The following HDAC9 variants were observed in gnomAD, a reference collection of about 807,000 sequenced individuals.
The protein encoded by HDAC9 is MEF-2 interacting transcription repressor (MITR) protein.
In HDAC9, 41 loss-of-function variants were observed where a neutral mutation model predicts 139.4. The ratio of observed to expected loss-of-function variants is 0.29; its 90% CI spans 0.23 to 0.38. The LOEUF (loss-of-function observed/expected upper bound fraction) is 0.38, where lower values mean the gene tolerates loss of function less well. Ranked by LOEUF, HDAC9 falls within the 10% of genes least tolerant of loss-of-function variation. The probability of loss-of-function intolerance (pLI) is 1.00; values close to 1 mark genes in which losing one functional copy is unlikely to be tolerated. For synonymous variants in HDAC9, 517 were observed against 476.2 expected, an observed-to-expected ratio of 1.09 and a Z score of -1.12; for missense variants, 1,147 against 1,297.0, an observed-to-expected ratio of 0.88 and a Z score of 1.78.
intron 13 of HDAC9, 40 bp from the exon 14 acceptor site, chr7:18,748,965 C>G: frequency 1.3e-6 from 2 of 1,590,876 alleles, no homozygotes; most frequent in Non-Finnish European, 1.7e-6. Context: ...TTATCTTGTA[C>G]TGTTACTCAA....
intron 2 of HDAC9, among the ~76,000 whole-genome samples, chr7:18,533,542 T>A (rs1420732580): frequency 6.6e-6 from 1 of 152,166 alleles, no homozygotes; most frequent in Non-Finnish European, 1.5e-5. Context: ...TAGTCCCAAT[T>A]TGACTCTCTT....
chr7:18,585,936 G>C (rs1829344106), intron 3 of HDAC9, among the ~76,000 whole-genome samples: 2 of 152,078 alleles, frequency 1.3e-5, no homozygotes, highest in South Asian at 4.1e-4. Context: ...TATGAAGAGA[G>C]CTGTTTTTAA....
At chr7:18,863,444 T>G (rs1204879446) in intron 21 of HDAC9, among the ~76,000 whole-genome samples, 6 of 152,202 alleles carry the variant, frequency 3.9e-5, no homozygotes, top group African/African-American at 7.2e-5. Context: ...TTTTTGTTTT[T>G]GGATTTTATT....
chr7:18,357,295 C>T (rs933850382), intron 1 of HDAC9, among the ~76,000 whole-genome samples: 1 of 152,038 alleles, frequency 6.6e-6, no homozygotes, highest in African/African-American at 2.4e-5. Flanking sequence ...ATGAGAAATG[C>T]CTGAACAGAC....
intron 1 of HDAC9, among the ~76,000 whole-genome samples, chr7:18,372,335 C>A (rs922478395): frequency 6.6e-6 from 1 of 152,200 alleles, no homozygotes; most frequent in Admixed American, 6.5e-5. Flanking sequence ...CTCAAACCTG[C>A]AAACCAAGCC....
chr7:18,278,349 A>G (rs539284745), intron 2 of HDAC9, among the ~76,000 whole-genome samples: 1 of 152,338 alleles, frequency 6.6e-6, no homozygotes, highest in Admixed American at 6.5e-5. Flanking sequence ...AAAAACAAAA[A>G]CATACGCTTT....
intron 18 of HDAC9, 90 bp from the exon 19 acceptor site, chr7:18,829,371 T>C (rs1407187925): frequency 3.5e-6 from 4 of 1,147,086 alleles, no homozygotes; most frequent in Non-Finnish European, 5.2e-6. Flanking sequence ...AGAGATCATA[T>C]AGCATTTAAA....
At chr7:18,304,887 G>A (rs561929418) in intron 1 of HDAC9, among the ~76,000 whole-genome samples, 5 of 152,140 alleles carry the variant, frequency 3.3e-5, no homozygotes, top group African/African-American at 1.2e-4. Context: ...TGCCCTGGAC[G>A]TTCACATATG....
Position 18,992,109 on chromosome 7 carries a change from T to C in HDAC9, c.3171-3914T>C, listed in dbSNP as rs545858470. On this transcript the variant is annotated intron_variant, in intron 25 of 25. Coordinates refer to ENST00000686413, the MANE Select transcript of HDAC9 (RefSeq NM_178425.4). Reference sequence around the variant, plus strand: ...TGCATACTAATTTAGTACCATTTTATATACACAAAATATATGACCTGGTAA... The same window carrying C: ...TGCATACTAATTTAGTACCATTTTACATACACAAAATATATGACCTGGTAA... Among the ~76,000 whole-genome samples the C allele has an allele frequency of 4.6e-5, 7 of 152,382 alleles. No individual in the cohort carries two copies. In the South Asian group the frequency reaches 1.5e-3, roughly 32 times the overall value.
rs766544134 is a variant in HDAC9, at chr7:18,975,925, G to C, written c.3142G>C (p.Glu1048Gln). The change falls in exon 25 of 26, where the codon GAA becomes CAA. Residue 1048 changes from glutamate (E) to glutamine (Q), a missense_variant. By Grantham distance (29) the Glu-to-Gln change is conservative. Transcript: ENST00000686413. The part of the protein sequence containing the change: ...SALASLTVDV[E>Q]QPFAQEDSRT... ...CCTGGCCTCCCTAACAGTGGATGTG[G>C]AACAGCCCTTTGCTCAGGAAGACAG... The C allele has an allele frequency of 1.9e-6, 3 of 1,613,812 alleles. No individual in the cohort carries two copies. The highest frequency in any genetic ancestry group is 2.5e-6 in the Non-Finnish European group (3 of 1,179,818).
chr7:18,204,082 C>T (rs1295819601), intron 2 of HDAC9, among the ~76,000 whole-genome samples: 3 of 151,980 alleles, frequency 2.0e-5, no homozygotes, highest in Admixed American at 6.6e-5. Context: ...TACTATTGGT[C>T]AGAGAAACAA....
At chr7:18,843,729 T>G (rs1392212029) in intron 21 of HDAC9, among the ~76,000 whole-genome samples, 1 of 152,134 alleles carries the variant, frequency 6.6e-6, no homozygotes, top group Non-Finnish European at 1.5e-5. Flanking sequence ...TTACTACTAC[T>G]AGACTTATTG....
intron 12 of HDAC9, among the ~76,000 whole-genome samples, chr7:18,709,175 C>T (rs1784162325): frequency 6.6e-6 from 1 of 151,656 alleles, no homozygotes; most frequent in Non-Finnish European, 1.5e-5. Flanking sequence ...GACACATTCT[C>T]TATGTTTCGT....
At chr7:18,840,688 G>T (rs1045588961) in intron 21 of HDAC9, among the ~76,000 whole-genome samples, 1 of 152,010 alleles carries the variant, frequency 6.6e-6, no homozygotes, top group Non-Finnish European at 1.5e-5. Flanking sequence ...AACCATTTGA[G>T]CACATACAAG....
chr7:18,174,543 G>A (rs1788723969), intron 2 of HDAC9, among the ~76,000 whole-genome samples: 1 of 152,204 alleles, frequency 6.6e-6, no homozygotes, highest in Non-Finnish European at 1.5e-5. Context: ...CTGGATTTTA[G>A]AATTTTCAAC....
intron 17 of HDAC9, among the ~76,000 whole-genome samples, chr7:18,804,162 T>A (rs1476818883): frequency 6.6e-6 from 1 of 152,182 alleles, no homozygotes; most frequent in East Asian, 1.9e-4. Flanking sequence ...AGGAGAGATT[T>A]GTGCTGAGTG....
intron 1 of HDAC9, among the ~76,000 whole-genome samples, chr7:18,336,365 A>G (rs1003940341): frequency 2.6e-5 from 4 of 151,716 alleles, no homozygotes; most frequent in East Asian, 1.9e-4. Flanking sequence ...ACATTCAACC[A>G]CTGACCCAAA....
At chr7:18,991,899 TTTGTCTA>T (rs1169823734) in intron 25 of HDAC9, among the ~76,000 whole-genome samples, 3 of 152,204 alleles carry the variant, frequency 2.0e-5, no homozygotes, top group Non-Finnish European at 4.4e-5. Flanking sequence ...AGCAGGGATG[TTTGTCTA>T]TTTTGTTCAT....
At chr7:18,208,439 C>A (rs897801019) in intron 2 of HDAC9, among the ~76,000 whole-genome samples, 3 of 139,382 alleles carry the variant, frequency 2.2e-5, no homozygotes, top group Non-Finnish European at 4.5e-5. Flanking sequence ...GTGGCATGAA[C>A]AAGGCTCAGG....
Sources: gnomAD v4.1 joint callset for allele counts (sites outside exome capture counted in the v4.1 genomes callset) on GRCh38, gnomAD v4.1.1 for gene constraint, MANE v1.5 for transcripts, NCBI Gene and HGNC (gene_info 2026-07-23, HGNC 2026-07-21) for gene names.